MAST4: variants seen among roughly 807,000 people sequenced by gnomAD.
The protein encoded by MAST4 is microtubule associated serine/threonine kinase family member 4.
In MAST4, 89 loss-of-function variants were observed where a neutral mutation model predicts 162.7. That is an observed-to-expected ratio of 0.55 (90% CI 0.46 to 0.65). The LOEUF (loss-of-function observed/expected upper bound fraction) is 0.65, where lower values mean the gene tolerates loss of function less well. MAST4 is among the 30% of genes least tolerant of loss of function. The pLI is 0.00. For missense variants in MAST4, 3,153 were observed against 3,374.0 expected (o/e 0.93, Z 1.62); for synonymous variants, 1,479 against 1,361.1 (o/e 1.09, Z -1.91).
rs1413309954 is a variant in MAST4, at chr5:67,078,918, A to T, written c.764-11244A>T. 4.7e-3 allele frequency among the ~76,000 whole-genome samples: 275 copies of T among 58,894 alleles called. 12 individuals are homozygous for T. Among genetic ancestry groups the T allele is most frequent in the African/African-American group, 0.025 (259 of 10,230 alleles). 38.6% of individuals were successfully genotyped at this position (58,894 alleles called of 152,430 possible). On this transcript the variant is annotated intron_variant, in intron 5 of 28. Transcript: ENST00000403625. ...TTTATATATTTTTATATAAATATAT[A>T]TATATATATATATATATATATATAT...
At chr5:66,703,826 A>T (rs574616362) in intron 1 of MAST4, among the ~76,000 whole-genome samples, 1 of 152,280 alleles carries the variant, frequency 6.6e-6, no homozygotes, top group South Asian at 2.1e-4. Context: ...CTCCAGTTTG[A>T]TCTCTTTAGG....
In MAST4 at chr5:66,839,738, T is replaced by G. The variant is rs140874075; in HGVS notation, c.642+50944T>G. On this transcript the variant is annotated intron_variant, in intron 3 of 28. Transcript: ENST00000403625. ...TTTTAAATGAAGATGATGAGGTTGG[T>G]GTACTGTATTACTTGAACAGTGAGT... Among the ~76,000 whole-genome samples, 371 of 152,274 alleles carry G rather than the reference T, an allele frequency of 2.4e-3. 2 individuals are homozygous for G. Among genetic ancestry groups the G allele is most frequent in the African/African-American group, 8.6e-3 (359 of 41,570 alleles).
chr5:67,078,921 TA>T (rs1287235138), intron 5 of MAST4, among the ~76,000 whole-genome samples: 4 of 73,314 alleles, frequency 5.5e-5, no homozygotes, highest in East Asian at 3.6e-4. Context: ...AATATATATA[TA>T]TATATATATA....
At chr5:66,935,373 C>T (rs1273574063) in intron 4 of MAST4, among the ~76,000 whole-genome samples, 1 of 152,174 alleles carries the variant, frequency 6.6e-6, no homozygotes. Flanking sequence ...TTACCATCTT[C>T]TAGGGTACCT....
Position 66,824,376 on chromosome 5 carries a change from C to T in MAST4, c.642+35582C>T, listed in dbSNP as rs758391263. On this transcript the variant is annotated intron_variant, in intron 3 of 28. Coordinates refer to ENST00000403625, the MANE Select transcript of MAST4 (RefSeq NM_001164664.2). ...TCACTCTTCCTTCTGGCTAGTGTGG[C>T]GGGAGAAACAACTTTACCAGAGGAC... Among the ~76,000 whole-genome samples, 8 of 152,248 alleles carry T rather than the reference C, an allele frequency of 5.3e-5. No homozygotes were observed. In the South Asian group the frequency reaches 8.3e-4, roughly 16 times the overall value.
At chr5:66,632,805 GA>G (rs1409270493) in intron 1 of MAST4, among the ~76,000 whole-genome samples, 1 of 152,070 alleles carries the variant, frequency 6.6e-6, no homozygotes, top group Non-Finnish European at 1.5e-5. Flanking sequence ...AGTATGAAAT[GA>G]AGTGTTTTAT....
intron 3 of MAST4, among the ~76,000 whole-genome samples, chr5:66,882,098 A>G (rs1184514380): frequency 6.6e-6 from 1 of 152,170 alleles, no homozygotes; most frequent in East Asian, 1.9e-4. Context: ...TTTCAGGTTA[A>G]TGTGTTTTGA....
intron 5 of MAST4, among the ~76,000 whole-genome samples, chr5:67,062,520 A>G (rs1177793498): frequency 6.6e-6 from 1 of 152,216 alleles, no homozygotes; most frequent in African/African-American, 2.4e-5. Flanking sequence ...TTATTTCCCA[A>G]ATGTTTGAAC....
chr5:66,953,168 A>G (rs992190424), intron 4 of MAST4, among the ~76,000 whole-genome samples: 1 of 152,208 alleles, frequency 6.6e-6, no homozygotes, highest in Middle Eastern at 3.2e-3. Flanking sequence ...AACCATGCAC[A>G]CTTTTTAAGA....
intron 2 of MAST4, among the ~76,000 whole-genome samples, chr5:66,762,975 C>A (rs141587163): frequency 2.4e-4 from 36 of 152,286 alleles, no homozygotes; most frequent in Admixed American, 7.8e-4. Flanking sequence ...GTGTAGCAGG[C>A]ATTGTGTTTA....
chr5:66,828,983 C>T, intron 3 of MAST4: 1 of 964,662 alleles, frequency 1.0e-6, no homozygotes, highest in Non-Finnish European at 1.6e-6. Flanking sequence ...CGAATATGTG[C>T]ATAATTCTTA....
chr5:66,733,523 G>A (rs1012981799), intron 1 of MAST4, among the ~76,000 whole-genome samples: 4 of 152,198 alleles, frequency 2.6e-5, no homozygotes, highest in South Asian at 2.1e-4. Flanking sequence ...GCAGTGGTGC[G>A]ATCTCGGCTC....
In MAST4 at chr5:66,657,211, G is replaced by A. The variant is rs79824787; in HGVS notation, c.363+60193G>A. 8.8e-3 allele frequency among the ~76,000 whole-genome samples: 1,335 copies of A among 152,272 alleles called. 16 individuals carry two copies. Among genetic ancestry groups the A allele is most frequent in the African/African-American group, 0.031 (1,271 of 41,568 alleles). ...TGACCGAATCTAGTCACCATTCATT[G>A]TTGTTTGGGTATTTGGATGTCCAGC... is the stretch of plus-strand genomic sequence containing the variant. On this transcript the variant is annotated intron_variant, in intron 1 of 28. Coordinates refer to ENST00000403625, the MANE Select transcript of MAST4 (RefSeq NM_001164664.2).
intron 26 of MAST4, among the ~76,000 whole-genome samples, chr5:67,157,418 G>A (rs1171648394): frequency 1.3e-5 from 2 of 152,224 alleles, no homozygotes; most frequent in Non-Finnish European, 2.9e-5. Flanking sequence ...GTCTAGTGAT[G>A]TGCTGTCATT....
intron 1 of MAST4, among the ~76,000 whole-genome samples, chr5:66,644,663 A>C (rs1745705454): frequency 6.6e-6 from 1 of 152,160 alleles, no homozygotes; most frequent in South Asian, 2.1e-4. Flanking sequence ...ACAGTCTCCC[A>C]AATAGGGTTC....
intron 3 of MAST4, among the ~76,000 whole-genome samples, chr5:66,867,576 G>A (rs576249625): frequency 6.6e-6 from 1 of 152,296 alleles, no homozygotes; most frequent in Admixed American, 6.5e-5. Context: ...TTATGCACAT[G>A]TCAACTCTTC....
intron 5 of MAST4, among the ~76,000 whole-genome samples, chr5:67,076,577 ACTTTCCCT>A (rs1761673205): frequency 6.6e-6 from 1 of 151,812 alleles, no homozygotes; most frequent in Non-Finnish European, 1.5e-5. Flanking sequence ...CCTCTCTCCC[ACTTTCCCT>A]CTGAAAAGTG....
At chr5:66,657,378 T>C (rs567173179) in intron 1 of MAST4, among the ~76,000 whole-genome samples, 5 of 152,340 alleles carry the variant, frequency 3.3e-5, no homozygotes, top group East Asian at 1.9e-4. Context: ...CTGATTGCAA[T>C]TGGACAATAC....
chr5:66,745,087 C>G (rs1261484437), intron 1 of MAST4, among the ~76,000 whole-genome samples: 2 of 152,132 alleles, frequency 1.3e-5, no homozygotes, highest in East Asian at 3.9e-4. Context: ...TGACCAAGAT[C>G]CTGTGAGTAG....
Sources: gnomAD v4.1 joint callset for allele counts (sites outside exome capture counted in the v4.1 genomes callset) on GRCh38, gnomAD v4.1.1 for gene constraint, MANE v1.5 for transcripts, NCBI Gene and HGNC (gene_info 2026-07-23, HGNC 2026-07-21) for gene names.